SLC35F4: variants seen among roughly 807,000 people sequenced by gnomAD.
SLC35F4 encodes solute carrier family 35 member F4, also known as chromosome 14 open reading frame 36.
SLC35F4 carries 24 observed loss-of-function variants against 44.2 expected under a neutral mutation model. The observed-to-expected ratio is 0.54, with a 90% CI of 0.39 to 0.76. The LOEUF (loss-of-function observed/expected upper bound fraction) is 0.76. SLC35F4 is among the 30% of genes least tolerant of loss of function. The pLI is 0.00. For missense variants in SLC35F4, 562 were observed against 586.1 expected, an observed-to-expected ratio of 0.96 and a Z score of 0.42; for synonymous variants, 238 against 223.6, an observed-to-expected ratio of 1.06 and a Z score of -0.57.
chr14:57,914,630 C>T (rs1889281834), intron 1 of SLC35F4, among the ~76,000 whole-genome samples: 1 of 152,066 alleles, frequency 6.6e-6, no homozygotes, highest in East Asian at 1.9e-4. Context: ...GGCACTAATC[C>T]ATTCAGGAAG....
chr14:57,766,465 T>A (rs1299715059), intron 1 of SLC35F4, among the ~76,000 whole-genome samples: 2 of 152,034 alleles, frequency 1.3e-5, no homozygotes. Context: ...TGCAGTAGAG[T>A]GAGAATATGG....
intron 1 of SLC35F4, among the ~76,000 whole-genome samples, chr14:57,906,339 C>T (rs1423262159): frequency 6.6e-6 from 1 of 152,202 alleles, no homozygotes; most frequent in African/African-American, 2.4e-5. Context: ...TTGTACTGCA[C>T]TTGCTCTTTT....
chr14:57,756,608 T>C (rs2076999210), intron 1 of SLC35F4, among the ~76,000 whole-genome samples: 2 of 151,352 alleles, frequency 1.3e-5, no homozygotes, highest in Non-Finnish European at 2.9e-5. Flanking sequence ...TTGTTGATAA[T>C]GTTGTTCAAG....
At chr14:57,940,084 A>G (rs935691817) in intron 1 of SLC35F4, among the ~76,000 whole-genome samples, 3 of 152,166 alleles carry the variant, frequency 2.0e-5, no homozygotes, top group Non-Finnish European at 4.4e-5. Flanking sequence ...TTATACTCCA[A>G]CATCCTCCAG....
rs766136013 is a variant in SLC35F4, at chr14:57,914,582, C to A, written n.282+67331G>T. Among the ~76,000 whole-genome samples, 17 of 151,080 alleles carry A rather than the reference C, an allele frequency of 1.1e-4. No individual in the cohort carries two copies. The South Asian group carries it at 1.7e-3, about 15-fold the overall frequency. On this transcript the variant is annotated intron_variant and non_coding_transcript_variant, in intron 1 of 1. Coordinates refer to the SLC35F4 transcript ENST00000556568. ...CGCCTCATAAAAAGAAAAAAAAAAACCACAGTCTCTCAATAACTAACCCAC... is the reference window on the plus strand; with the variant it reads ...CGCCTCATAAAAAGAAAAAAAAAAAACACAGTCTCTCAATAACTAACCCAC...
At chr14:57,724,067 T>C (rs1337719957) in intron 1 of SLC35F4, among the ~76,000 whole-genome samples, 4 of 152,230 alleles carry the variant, frequency 2.6e-5, no homozygotes, top group South Asian at 4.1e-4. Context: ...TGGGCCTATT[T>C]GGATTTTGAA....
intron 1 of SLC35F4, among the ~76,000 whole-genome samples, chr14:57,635,290 G>C (rs1449285670): frequency 2.6e-5 from 4 of 151,790 alleles, no homozygotes. Context: ...TTGCAACTGG[G>C]TGGATGTTGT....
At chr14:57,944,967 C>T (rs897511742) in intron 1 of SLC35F4, among the ~76,000 whole-genome samples, 1 of 152,136 alleles carries the variant, frequency 6.6e-6, no homozygotes, top group Non-Finnish European at 1.5e-5. Context: ...CATCTGCCTG[C>T]CCAACCTTGG....
intron 1 of SLC35F4, among the ~76,000 whole-genome samples, chr14:57,770,750 T>C (rs528760961): frequency 6.6e-6 from 1 of 152,290 alleles, no homozygotes; most frequent in East Asian, 1.9e-4. Flanking sequence ...AGGAAAAGAA[T>C]ACAAGTCTTG....
intron 1 of SLC35F4, among the ~76,000 whole-genome samples, chr14:57,742,300 C>A (rs964901869): frequency 6.6e-6 from 1 of 152,106 alleles, no homozygotes; most frequent in African/African-American, 2.4e-5. Flanking sequence ...AGAGTCAAGA[C>A]CCATCAGTGT....
intron 1 of SLC35F4, among the ~76,000 whole-genome samples, chr14:57,847,313 T>A (rs112559478): frequency 6.6e-6 from 1 of 152,006 alleles, no homozygotes; most frequent in East Asian, 1.9e-4. Context: ...TGCCTTGGGA[T>A]TTTTTTTCAC....
intron 1 of SLC35F4, among the ~76,000 whole-genome samples, chr14:57,729,137 C>A (rs2076285620): frequency 1.3e-5 from 2 of 152,130 alleles, no homozygotes; most frequent in African/African-American, 4.8e-5. Context: ...AGGTAGTCTT[C>A]TATGGGCTAA....
chr14:57,906,823 C>T (rs772027453), intron 1 of SLC35F4, among the ~76,000 whole-genome samples: 17 of 152,106 alleles, frequency 1.1e-4, no homozygotes, highest in Non-Finnish European at 2.1e-4. Context: ...GGGTAAAATA[C>T]GTCCAATGAT....
At chr14:57,608,399 C>T (rs2071289646) in intron 1 of SLC35F4, among the ~76,000 whole-genome samples, 1 of 152,082 alleles carries the variant, frequency 6.6e-6, no homozygotes, top group Admixed American at 6.5e-5. Context: ...ATGGGGAGAA[C>T]ACCATGTAAA....
At chr14:57,843,808 C>T (rs190363549) in intron 1 of SLC35F4, among the ~76,000 whole-genome samples, 2 of 152,244 alleles carry the variant, frequency 1.3e-5, no homozygotes, top group East Asian at 3.9e-4. Flanking sequence ...AATCCCCAAA[C>T]AATTTTAATA....
intron 1 of SLC35F4, chr14:57,596,985 T>C (rs1262800673): frequency 1.3e-5 from 11 of 853,862 alleles, no homozygotes; most frequent in African/African-American, 5.3e-5. Context: ...TGGGCCATGA[T>C]ACAATTATCT....
chr14:57,766,633 A>G (rs1270392903), intron 1 of SLC35F4, among the ~76,000 whole-genome samples: 3 of 152,210 alleles, frequency 2.0e-5, no homozygotes, highest in Admixed American at 2.0e-4. Context: ...AGCACTATAC[A>G]TTGGGTACTT....
chr14:57,832,927 A>G (rs1208290514), intron 1 of SLC35F4, among the ~76,000 whole-genome samples: 2 of 152,210 alleles, frequency 1.3e-5, no homozygotes, highest in African/African-American at 2.4e-5. Flanking sequence ...AGCCTAGCCA[A>G]CACGACCCAG....
At chr14:57,968,898 T>C (rs568172752) in intron 1 of SLC35F4, among the ~76,000 whole-genome samples, 6 of 152,236 alleles carry the variant, frequency 3.9e-5, no homozygotes, top group Non-Finnish European at 5.9e-5. Context: ...AAAATCTTCT[T>C]AGACTTAGGA....
Sources: allele counts gnomAD v4.1 joint callset (sites outside exome capture counted in the v4.1 genomes callset), GRCh38; gene constraint gnomAD v4.1.1; transcripts MANE v1.5; gene names NCBI Gene and HGNC (gene_info 2026-07-23, HGNC 2026-07-21).